KLRG2: variants seen among roughly 807,000 people sequenced by gnomAD.
The protein encoded by KLRG2 is killer cell lectin-like receptor subfamily G member 2.
A neutral mutation model predicts 35.4 loss-of-function variants in KLRG2; 39 were observed. The observed-to-expected ratio is 1.10, with a 90% CI of 0.85 to 1.44. KLRG2 has a LOEUF of 1.44. Ranked by LOEUF, KLRG2 falls within the 40% of genes most tolerant of loss-of-function variation. The pLI is 0.00. For missense variants in KLRG2, 632 were observed against 570.9 expected, an observed-to-expected ratio of 1.11 and a Z score of -1.09; for synonymous variants, 283 against 265.8, an observed-to-expected ratio of 1.06 and a Z score of -0.63.
chr7:139,467,952 T>G (rs1284194677), intron 3 of KLRG2, among the ~76,000 whole-genome samples: 1 of 152,206 alleles, frequency 6.6e-6, no homozygotes, highest in Non-Finnish European at 1.5e-5. Context: ...AACCTGATTG[T>G]ATGTTCCATC....
chr7:139,472,851 C>T (rs962841051), intron 3 of KLRG2, among the ~76,000 whole-genome samples: 2 of 152,104 alleles, frequency 1.3e-5, no homozygotes, highest in African/African-American at 4.8e-5. Context: ...CAGTTAGGAC[C>T]CTCCACCCCC....
chr7:139,433,747 T>C, the KLRG2 span, among the ~76,000 whole-genome samples: 16 of 151,730 alleles, frequency 1.1e-4, no homozygotes, highest in Non-Finnish European at 1.5e-4. Context: ...GTTATTCTTC[T>C]GCCTCAGCCT....
intron 3 of KLRG2, among the ~76,000 whole-genome samples, chr7:139,460,849 C>T (rs1458595898): frequency 1.3e-5 from 2 of 152,086 alleles, no homozygotes; most frequent in Non-Finnish European, 2.9e-5. Context: ...ATTCTAGCTA[C>T]TTGGGAGGCT....
chr7:139,452,309 G>T (rs1161750084), downstream of KLRG2, among the ~76,000 whole-genome samples: 4 of 152,118 alleles, frequency 2.6e-5, no homozygotes, highest in African/African-American at 9.7e-5. Flanking sequence ...TTTCAGGAGT[G>T]TGAGAAGGCA....
Position 139,483,657 on chromosome 7 carries a change from C to T in KLRG2, c.-15G>A. Reference sequence around the variant, plus strand: ...GACTCCTCCATCCCGCGCGCCCCGCCACCCGGAGACGCTGAGGAGCGCACC... The same window carrying T: ...GACTCCTCCATCCCGCGCGCCCCGCTACCCGGAGACGCTGAGGAGCGCACC... On this transcript the variant is annotated 5_prime_UTR_variant, in exon 1 of 5. Transcript: ENST00000340940. 1.4e-6 allele frequency: 2 copies of T among 1,479,512 alleles called. No individual in the cohort carries two copies. The highest frequency in any genetic ancestry group is 1.8e-6 in the Non-Finnish European group (2 of 1,122,330). The allele number at this position is 1,479,512 out of a possible 1,614,324, so 91.6% of individuals were successfully genotyped here.
At chr7:139,482,027 C>T (rs1796969077) in intron 1 of KLRG2, among the ~76,000 whole-genome samples, 1 of 152,206 alleles carries the variant, frequency 6.6e-6, no homozygotes, top group African/African-American at 2.4e-5. Flanking sequence ...CCAGGACAGT[C>T]TGTATCTTTT....
intron 3 of KLRG2, among the ~76,000 whole-genome samples, 185 bp downstream of exon 3, chr7:139,479,442 G>A (rs1483597166): frequency 6.6e-6 from 1 of 152,234 alleles, no homozygotes. Flanking sequence ...CCAAAAGGCT[G>A]AGGCAGGAGG....
At chr7:139,467,951 G>T (rs1585170738) in intron 3 of KLRG2, among the ~76,000 whole-genome samples, 2 of 152,350 alleles carry the variant, frequency 1.3e-5, no homozygotes, top group South Asian at 4.1e-4. Context: ...AAACCTGATT[G>T]TATGTTCCAT....
At chr7:139,477,763 AT>A (rs71520057) in intron 3 of KLRG2, among the ~76,000 whole-genome samples, 50,848 of 147,976 alleles carry the variant, frequency 0.34, 9,435 homozygotes, top group African/African-American at 0.49. Flanking sequence ...TTTTAACACA[AT>A]TTTTTTTTTT....
chr7:139,445,763 G>GTATATATATATATA, the KLRG2 span, among the ~76,000 whole-genome samples: 1 of 121,350 alleles, frequency 8.2e-6, no homozygotes, highest in African/African-American at 5.5e-5. Flanking sequence ...ATATATATGT[G>GTATATATATATATA]TATGTATATA....
chr7:139,428,607 A>C, the KLRG2 span, among the ~76,000 whole-genome samples: 2 of 152,128 alleles, frequency 1.3e-5, no homozygotes, highest in Non-Finnish European at 2.9e-5. Context: ...AGTTTAATTT[A>C]CTTGAAATCA....
chr7:139,478,801 T>G (rs1248702395), intron 3 of KLRG2, among the ~76,000 whole-genome samples: 4 of 152,142 alleles, frequency 2.6e-5, no homozygotes, highest in African/African-American at 9.7e-5. Flanking sequence ...CCCTCTCCCA[T>G]GGGGATGGAA....
intron 3 of KLRG2, among the ~76,000 whole-genome samples, chr7:139,455,459 C>T (rs1405369697): frequency 1.3e-5 from 2 of 151,746 alleles, no homozygotes; most frequent in African/African-American, 4.8e-5. Context: ...GTAGCTGGGA[C>T]TACAGGCACC....
At chr7:139,459,712 T>A (rs1406684726) in intron 3 of KLRG2, among the ~76,000 whole-genome samples, 1 of 152,176 alleles carries the variant, frequency 6.6e-6, no homozygotes, top group Non-Finnish European at 1.5e-5. Flanking sequence ...ATGTTATTCC[T>A]GGTTACACAG....
intron 3 of KLRG2, among the ~76,000 whole-genome samples, chr7:139,455,761 G>GCAC (rs2116428428): frequency 6.6e-6 from 1 of 152,288 alleles, no homozygotes; most frequent in African/African-American, 2.4e-5. Flanking sequence ...GACAAGAGCA[G>GCAC]CACCACCACT....
the KLRG2 span, among the ~76,000 whole-genome samples, chr7:139,445,781 G>GTGTGTGTATATATATATATATA: frequency 1.0e-4 from 10 of 98,508 alleles, no homozygotes; most frequent in African/African-American, 5.3e-4. Flanking sequence ...ATATATATAT[G>GTGTGTGTATATATATATATATA]TATATATATA....
the KLRG2 span, among the ~76,000 whole-genome samples, chr7:139,432,555 C>A: frequency 2.0e-5 from 3 of 149,600 alleles, no homozygotes; most frequent in African/African-American, 4.9e-5. Flanking sequence ...CCCCCCCCCC[C>A]CAATATTTTT....
the KLRG2 span, among the ~76,000 whole-genome samples, chr7:139,428,013 T>G: frequency 6.6e-6 from 1 of 152,198 alleles, no homozygotes; most frequent in Non-Finnish European, 1.5e-5. Context: ...TGAAAGGCTC[T>G]TTCTGGCATA....
chr7:139,436,936 C>T, the KLRG2 span, among the ~76,000 whole-genome samples: 3 of 152,218 alleles, frequency 2.0e-5, no homozygotes, highest in Admixed American at 6.5e-5. Flanking sequence ...TCACTTCACT[C>T]GGTGTCCTTG....
Sources: gnomAD v4.1 joint callset for allele counts (sites outside exome capture counted in the v4.1 genomes callset) on GRCh38, gnomAD v4.1.1 for gene constraint, MANE v1.5 for transcripts, NCBI Gene and HGNC (gene_info 2026-07-23, HGNC 2026-07-21) for gene names.